Variants in FHIT observed in about 807,000 individuals in gnomAD.
FHIT encodes the protein fragile histidine triad diadenosine triphosphatase, also known as bis(5'-adenosyl)-triphosphatase.
Under a neutral mutation model 17.9 loss-of-function variants are expected in FHIT, and 19 were observed. The observed-to-expected ratio is 1.06, with a 90% CI of 0.74 to 1.56. FHIT has a LOEUF of 1.56. Ranked by LOEUF, FHIT falls within the 40% of genes most tolerant of loss-of-function variation. The pLI, the probability that FHIT is intolerant of heterozygous loss-of-function variation, is 0.00. For missense variants in FHIT, 248 were observed against 189.2 expected (o/e 1.31, Z -1.82); for synonymous variants, 81 against 69.7 (o/e 1.16, Z -0.81).
intron 2 of FHIT, among the ~76,000 whole-genome samples, chr3:61,124,140 G>A (rs1445386301): frequency 1.3e-5 from 2 of 152,176 alleles, no homozygotes; most frequent in Non-Finnish European, 2.9e-5. Flanking sequence ...ACAAGTCTGG[G>A]TTGAGGACGG....
chr3:59,939,192 T>A (rs1349357047), intron 7 of FHIT, among the ~76,000 whole-genome samples: 3 of 152,170 alleles, frequency 2.0e-5, no homozygotes, highest in South Asian at 4.1e-4. Context: ...AAATTGATCA[T>A]GTTTCTTTTT....
At chr3:60,370,219 A>G (rs1354424184) in intron 5 of FHIT, among the ~76,000 whole-genome samples, 1 of 162 alleles carries the variant, frequency 6.2e-3, no homozygotes, top group East Asian at 0.25. Flanking sequence ...AAGATTCATA[A>G]ATACACTTTA....
At chr3:61,238,543 A>C (rs760123270) in intron 1 of FHIT, among the ~76,000 whole-genome samples, 5 of 152,246 alleles carry the variant, frequency 3.3e-5, no homozygotes, top group Admixed American at 6.5e-5. Context: ...AAGTATAAGA[A>C]GGAAGCAAAA....
chr3:60,554,652 T>C (rs1039851015), intron 4 of FHIT, among the ~76,000 whole-genome samples: 5 of 152,224 alleles, frequency 3.3e-5, no homozygotes, highest in African/African-American at 9.6e-5. Flanking sequence ...TTGGGTCTTT[T>C]ACTTTAACAC....
chr3:60,316,404 T>A (rs1428755073), intron 5 of FHIT, among the ~76,000 whole-genome samples: 1 of 152,158 alleles, frequency 6.6e-6, no homozygotes, highest in East Asian at 1.9e-4. Flanking sequence ...ACTTTAGTAA[T>A]AAACTTAGGA....
chr3:60,220,272 A>T (rs1027098377), intron 5 of FHIT, among the ~76,000 whole-genome samples: 3 of 152,140 alleles, frequency 2.0e-5, no homozygotes, highest in African/African-American at 7.2e-5. Context: ...AGACCTGATA[A>T]AACTGGGTAT....
intron 5 of FHIT, among the ~76,000 whole-genome samples, chr3:60,374,011 A>G (rs1700443026): frequency 1.3e-5 from 2 of 152,202 alleles, no homozygotes; most frequent in South Asian, 4.1e-4. Flanking sequence ...TACTACATGT[A>G]TCTTTTTAAA....
At position 60,091,759 on chromosome 3, in the gene FHIT, C is replaced by A. The variant is rs77992448; in HGVS notation, c.104-77607G>T. On this transcript the variant is annotated intron_variant, in intron 5 of 9. Transcript: ENST00000492590. ...AAAGTGTGCGGCACCTCCCACCTTG[C>A]CTTTCTTCTCCTGCTCCCACCACAT... 6.2e-3 allele frequency among the ~76,000 whole-genome samples: 947 copies of A among 152,182 alleles called. 7 individuals are homozygous for A. The highest frequency in any genetic ancestry group is 0.022 in the African/African-American group (904 of 41,506).
intron 3 of FHIT, among the ~76,000 whole-genome samples, chr3:60,921,274 C>G (rs1192334904): frequency 2.6e-5 from 4 of 152,146 alleles, no homozygotes; most frequent in Non-Finnish European, 4.4e-5. Context: ...TTACTGAGCA[C>G]TGACTATATG....
intron 8 of FHIT, among the ~76,000 whole-genome samples, chr3:59,847,804 T>C (rs1349158649): frequency 6.6e-6 from 1 of 152,158 alleles, no homozygotes; most frequent in Non-Finnish European, 1.5e-5. Flanking sequence ...CACTCTGAGG[T>C]ATAAACTTAA....
At chr3:60,172,650 G>C (rs766378018) in intron 5 of FHIT, among the ~76,000 whole-genome samples, 18 of 152,214 alleles carry the variant, frequency 1.2e-4, no homozygotes, top group African/African-American at 2.6e-4. Flanking sequence ...AAAACGGAAA[G>C]AACAGCAGGA....
intron 2 of FHIT, among the ~76,000 whole-genome samples, chr3:61,170,196 T>C (rs1226263321): frequency 1.3e-5 from 2 of 152,122 alleles, no homozygotes; most frequent in Non-Finnish European, 1.5e-5. Context: ...ATAAATCTTG[T>C]CCTCAAGGAA....
chr3:60,397,681 G>A (rs1701501315), intron 5 of FHIT, among the ~76,000 whole-genome samples: 1 of 152,128 alleles, frequency 6.6e-6, no homozygotes, highest in African/African-American at 2.4e-5. Context: ...GCATATAAAG[G>A]CAGGTCCCCA....
At chr3:60,335,287 T>A (rs1710179927) in intron 5 of FHIT, among the ~76,000 whole-genome samples, 1 of 152,184 alleles carries the variant, frequency 6.6e-6, no homozygotes, top group South Asian at 2.1e-4. Context: ...AAAAAAAACT[T>A]GAATTGCACC....
chr3:61,134,100 T>TACACACACACACAC (rs150931006), intron 2 of FHIT, among the ~76,000 whole-genome samples: 31,821 of 134,606 alleles, frequency 0.24, 4,391 homozygotes, highest in South Asian at 0.33. Context: ...CACACACACA[T>TACACACACACACAC]ACACACACAC....
intron 4 of FHIT, among the ~76,000 whole-genome samples, chr3:60,613,342 C>T (rs570262419): frequency 3.4e-4 from 51 of 152,128 alleles, no homozygotes; most frequent in Non-Finnish European, 6.2e-4. Flanking sequence ...GGAGGGATGG[C>T]CTGGTGATAC....
intron 4 of FHIT, among the ~76,000 whole-genome samples, chr3:60,711,606 G>C (rs547014286): frequency 6.6e-6 from 1 of 152,326 alleles, no homozygotes; most frequent in Non-Finnish European, 1.5e-5. Context: ...CAAAGCCAAG[G>C]CTCGAGAACT....
At chr3:59,895,869 C>T (rs1032825010) in intron 8 of FHIT, among the ~76,000 whole-genome samples, 2 of 152,160 alleles carry the variant, frequency 1.3e-5, no homozygotes, top group African/African-American at 2.4e-5. Context: ...CTCAACTCTG[C>T]ACTACAATCA....
chr3:60,467,714 A>C (rs1409369164), intron 5 of FHIT, among the ~76,000 whole-genome samples: 1 of 152,054 alleles, frequency 6.6e-6, no homozygotes, highest in Non-Finnish European at 1.5e-5. Flanking sequence ...AAAATGTTTT[A>C]AGATTTGTTT....
Sources: allele counts gnomAD v4.1 joint callset (sites outside exome capture counted in the v4.1 genomes callset), GRCh38; gene constraint gnomAD v4.1.1; transcripts MANE v1.5; gene names NCBI Gene and HGNC (gene_info 2026-07-23, HGNC 2026-07-21).